The following RBFOX2 variants were observed in gnomAD, a reference collection of about 807,000 sequenced individuals.
The protein encoded by RBFOX2 is RNA binding fox-1 homolog 2, also known as RNA binding protein fox-1 homolog 2.
RBFOX2 carries 10 observed loss-of-function variants against 49.1 expected under a neutral mutation model. The ratio of observed to expected loss-of-function variants is 0.20; its 90% confidence interval spans 0.13 to 0.35. The LOEUF is 0.35. RBFOX2 is among the 10% of genes least tolerant of loss of function. The probability of loss-of-function intolerance (pLI) is 1.00; values close to 1 mark genes in which losing one functional copy is unlikely to be tolerated. For missense variants in RBFOX2, 323 were observed against 486.9 expected, an observed-to-expected ratio of 0.66 and a Z score of 3.17; for synonymous variants, 183 against 187.4, an observed-to-expected ratio of 0.98 and a Z score of 0.19.
intron 1 of RBFOX2, among the ~76,000 whole-genome samples, chr22:35,831,712 T>G (rs1956837420): frequency 6.6e-6 from 1 of 152,228 alleles, no homozygotes; most frequent in Non-Finnish European, 1.5e-5. Context: ...GTTAAGAGTC[T>G]TTTCAAAACC....
intron 2 of RBFOX2, among the ~76,000 whole-genome samples, chr22:35,804,885 C>T (rs545540333): frequency 6.6e-6 from 1 of 152,192 alleles, no homozygotes; most frequent in South Asian, 2.1e-4. Context: ...AAAAAAGCCA[C>T]AGACTGGGAG....
chr22:35,760,452 CATA>C (rs1318946575), intron 8 of RBFOX2, among the ~76,000 whole-genome samples: 2 of 152,186 alleles, frequency 1.3e-5, no homozygotes, highest in Non-Finnish European at 2.9e-5. Flanking sequence ...ACTATGTCCA[CATA>C]ATAATTATTA....
intron 1 of RBFOX2, among the ~76,000 whole-genome samples, chr22:35,826,746 T>C (rs1288405812): frequency 6.6e-6 from 1 of 152,200 alleles, no homozygotes; most frequent in Non-Finnish European, 1.5e-5. Context: ...ATACTGTTTT[T>C]TTTCCTATAC....
intron 1 of RBFOX2, chr22:35,821,893 G>A (rs577709857): frequency 2.9e-5 from 15 of 518,908 alleles, no homozygotes; most frequent in African/African-American, 1.7e-4. Flanking sequence ...TTGACCAAAA[G>A]GGGGAGGAGC....
intron 1 of RBFOX2, among the ~76,000 whole-genome samples, chr22:35,860,822 T>G (rs1392941820): frequency 1.3e-5 from 2 of 152,172 alleles, no homozygotes; most frequent in Admixed American, 6.5e-5. Context: ...ATCAACACAG[T>G]ATATCTCTCC....
At chr22:35,927,491 C>A (rs891906547) in intron 1 of RBFOX2, among the ~76,000 whole-genome samples, 3 of 151,088 alleles carry the variant, frequency 2.0e-5, no homozygotes, top group Non-Finnish European at 2.9e-5. Context: ...GTAATCCCAG[C>A]TACTCAGGAG....
chr22:35,906,672 G>A (rs542352346), intron 1 of RBFOX2, among the ~76,000 whole-genome samples: 4 of 151,842 alleles, frequency 2.6e-5, no homozygotes, highest in African/African-American at 7.2e-5. Flanking sequence ...AAAATTAGCC[G>A]GGCGTGGTGG....
At chr22:35,771,249 G>A (rs943616207) in intron 4 of RBFOX2, among the ~76,000 whole-genome samples, 17 of 152,196 alleles carry the variant, frequency 1.1e-4, no homozygotes, top group African/African-American at 3.4e-4. Context: ...GTGTTCCAAC[G>A]TGGCCACTGT....
intron 4 of RBFOX2, among the ~76,000 whole-genome samples, chr22:35,775,184 C>G (rs1291530315): frequency 6.6e-6 from 1 of 152,148 alleles, no homozygotes; most frequent in Admixed American, 6.5e-5. Flanking sequence ...GAGGAGGCAT[C>G]CATGGGTTTG....
At chr22:35,769,030 A>G (rs1453854252) in intron 4 of RBFOX2, among the ~76,000 whole-genome samples, 1 of 152,218 alleles carries the variant, frequency 6.6e-6, no homozygotes, top group Non-Finnish European at 1.5e-5. Context: ...GTGGTCAATT[A>G]TAACTTTTCT....
Position 35,792,331 on chromosome 22 carries a change from AAAAGAAAAGAAAAGAAAAG to A in RBFOX2, c.253-10604_253-10586del, listed in dbSNP as rs1354072192. ...ACTCCGTCTCAAAAAAAAAAAAAAAAAAAGAAAAGAAAAGAAAAGAAAAGAAAAGAAAAGAAAAAGAAAA... is the reference window on the plus strand; with the variant it reads ...ACTCCGTCTCAAAAAAAAAAAAAAAAAAAAGAAAAGAAAAGAAAAAGAAAA... On this transcript the variant is annotated intron_variant, in intron 2 of 11. Coordinates refer to ENST00000405409, the Ensembl canonical transcript of RBFOX2. 6.2e-5 allele frequency among the ~76,000 whole-genome samples: 6 copies of A among 96,878 alleles called. No individual in the cohort carries two copies. The East Asian group carries it at 6.8e-4, about 11-fold the overall frequency. 63.6% of individuals were successfully genotyped at this position (96,878 alleles called of 152,430 possible). A position where few individuals can be genotyped will look rare whatever the true frequency, so the allele number is the denominator to read the frequency against.
intron 1 of RBFOX2, among the ~76,000 whole-genome samples, chr22:35,957,556 C>G (rs906812925): frequency 2.6e-5 from 4 of 152,166 alleles, no homozygotes; most frequent in African/African-American, 2.4e-5. Context: ...GTCTAAGAAG[C>G]AGAAATTGGT....
At chr22:35,986,213 C>T (rs1028680894) in intron 1 of RBFOX2, among the ~76,000 whole-genome samples, 1 of 152,084 alleles carries the variant, frequency 6.6e-6, no homozygotes, top group African/African-American at 2.4e-5. Context: ...ACAGACACCC[C>T]ACATAGCACA....
intron 1 of RBFOX2, among the ~76,000 whole-genome samples, chr22:35,837,509 G>GCACACA (rs560302690): frequency 3.5e-4 from 52 of 149,396 alleles, no homozygotes; most frequent in African/African-American, 1.2e-3. Context: ...ACACACATGT[G>GCACACA]CACACACACA....
intron 2 of RBFOX2, among the ~76,000 whole-genome samples, chr22:35,798,076 A>G (rs1949100748): frequency 6.6e-6 from 1 of 152,094 alleles, no homozygotes; most frequent in Non-Finnish European, 1.5e-5. Flanking sequence ...CCCGAGTTTA[A>G]GCGATTCTCC....
At chr22:35,780,595 T>C (rs1381275517) in intron 3 of RBFOX2, among the ~76,000 whole-genome samples, 1 of 152,178 alleles carries the variant, frequency 6.6e-6, no homozygotes, top group Non-Finnish European at 1.5e-5. Flanking sequence ...TCCTCTACAA[T>C]GATTTTAGAT....
chr22:35,806,781 G>A (rs1162649836), intron 2 of RBFOX2, among the ~76,000 whole-genome samples: 1 of 152,154 alleles, frequency 6.6e-6, no homozygotes, highest in Non-Finnish European at 1.5e-5. Flanking sequence ...GGATGAAGAA[G>A]CAAGAAGCAG....
At chr22:35,794,672 G>C (rs1352510625) in intron 2 of RBFOX2, among the ~76,000 whole-genome samples, 1 of 151,168 alleles carries the variant, frequency 6.6e-6, no homozygotes, top group Non-Finnish European at 1.5e-5. Flanking sequence ...AAAAAAAAAA[G>C]TTTTTTAGCT....
intron 1 of RBFOX2, chr22:35,997,614 C>A (rs1190633032): frequency 6.6e-6 from 1 of 152,178 alleles, no homozygotes; most frequent in Non-Finnish European, 1.5e-5. Flanking sequence ...GTGGAAGGAA[C>A]TGAGATGCGG....
Sources: gnomAD v4.1 joint callset for allele counts (sites outside exome capture counted in the v4.1 genomes callset) on GRCh38, gnomAD v4.1.1 for gene constraint, MANE v1.5 for transcripts, NCBI Gene and HGNC (gene_info 2026-07-23, HGNC 2026-07-21) for gene names.